The following IL16 variants were observed in gnomAD, a reference collection of about 807,000 sequenced individuals.
IL16 encodes interleukin 16.
In IL16, 67 loss-of-function variants were observed where a neutral mutation model predicts 110.1. The ratio of observed to expected loss-of-function variants is 0.61; its 90% CI spans 0.50 to 0.75. The LOEUF (loss-of-function observed/expected upper bound fraction) is 0.75, where lower values mean the gene tolerates loss of function less well. Among genes scored for constraint, IL16 ranks in the 30% least tolerant of loss-of-function variants. The probability of loss-of-function intolerance (pLI) is 0.00; values close to 1 mark genes in which losing one functional copy is unlikely to be tolerated. For synonymous variants in IL16, 689 were observed against 662.9 expected (o/e 1.04, Z -0.61); for missense variants, 1,545 against 1,655.0 (o/e 0.93, Z 1.15).
At position 81,301,437 on chromosome 15, in the gene IL16, T is replaced by C; in HGVS notation, c.3243T>C (p.Val1081=). The C allele has an allele frequency of 6.2e-7, 1 of 1,614,152 alleles. No homozygotes were observed. Among genetic ancestry groups the C allele is most frequent in the Non-Finnish European group, 8.5e-7 (1 of 1,179,996 alleles). The change falls in exon 15 of 19, where the codon GTT becomes GTC. Residue 1081 remains valine (V), a synonymous_variant. Coordinates refer to ENST00000683961, the MANE Select transcript of IL16 (RefSeq NM_172217.5). ...GTTCCCTTCAGTCTGGTCAGTCCGT[T>C]ATCTCCCTGCTGAGCTCAGAAGAAT... ...DHSSLQSGQS[V]ISLLSSEELK...
rs747521474 is a variant in IL16 at position 81,299,375 on chromosome 15, T to A, written c.2054-5T>A. 19 of 1,611,430 alleles carry A rather than the reference T, an allele frequency of 1.2e-5. No homozygotes were observed. The highest frequency in any genetic ancestry group is 8.5e-6 in the Non-Finnish European group (10 of 1,180,010). On this transcript the variant is annotated splice_region_variant and splice_polypyrimidine_tract_variant and intron_variant, in intron 13 of 18. Transcript: ENST00000683961. Reference sequence around the variant, plus strand: ...CACAGCTTTGGCCTTGTTTCTGCACTGTAGTGACCCAAACATCCCCGATAA... The same window carrying A: ...CACAGCTTTGGCCTTGTTTCTGCACAGTAGTGACCCAAACATCCCCGATAA...
chr15:81,289,421 T>C (rs1010834506), intron 10 of IL16, among the ~76,000 whole-genome samples: 1 of 152,186 alleles, frequency 6.6e-6, no homozygotes, highest in Non-Finnish European at 1.5e-5. Context: ...AAGCATGAGC[T>C]ACCATGCCCA....
intron 2 of IL16, among the ~76,000 whole-genome samples, chr15:81,259,312 G>T (rs529238759): frequency 6.6e-6 from 1 of 152,050 alleles, no homozygotes; most frequent in Admixed American, 6.6e-5. Context: ...TACCTTCCAG[G>T]CTCCCTATCC....
At chr15:81,279,519 A>T (rs1445382078) in intron 7 of IL16, 39 bp from the exon 8 acceptor site, 2 of 1,458,634 alleles carry the variant, frequency 1.4e-6, no homozygotes, top group South Asian at 2.3e-5. Context: ...CTCACCCTGG[A>T]TTGCTGCTGG....
intron 6 of IL16, among the ~76,000 whole-genome samples, chr15:81,276,434 C>T (rs1223044042): frequency 6.6e-6 from 1 of 152,134 alleles, no homozygotes; most frequent in African/African-American, 2.4e-5. Flanking sequence ...AGGGCTGGAA[C>T]TCAGATTTGA....
At chr15:81,236,818 C>G (rs1897191666) in intron 2 of IL16, among the ~76,000 whole-genome samples, 1 of 151,948 alleles carries the variant, frequency 6.6e-6, no homozygotes, top group Non-Finnish European at 1.5e-5. Flanking sequence ...TTAGCCAGGC[C>G]TGGTGGTGGG....
chr15:81,232,356 G>A (rs898778842), intron 2 of IL16, among the ~76,000 whole-genome samples: 17 of 152,010 alleles, frequency 1.1e-4, no homozygotes, highest in African/African-American at 3.6e-4. Flanking sequence ...TACAGGCTAA[G>A]GCCTACAGTG....
chr15:81,242,970 C>T (rs990635987), intron 2 of IL16, among the ~76,000 whole-genome samples: 1 of 150,902 alleles, frequency 6.6e-6, no homozygotes, highest in Non-Finnish European at 1.5e-5. Context: ...TTGATATGAT[C>T]ATGTGATTCT....
intron 2 of IL16, among the ~76,000 whole-genome samples, chr15:81,236,972 A>T (rs1897197677): frequency 6.6e-6 from 1 of 152,152 alleles, no homozygotes. Context: ...AAAAGAAAGG[A>T]AACTGGGAAG....
At chr15:81,224,430 A>C (rs1896721171) in intron 1 of IL16, among the ~76,000 whole-genome samples, 1 of 152,188 alleles carries the variant, frequency 6.6e-6, no homozygotes, top group African/African-American at 2.4e-5. Flanking sequence ...CCTCTTGGCA[A>C]AGCTGAGCCA....
chr15:81,190,394 A>G (rs761338160), intron 1 of IL16, among the ~76,000 whole-genome samples: 7 of 152,242 alleles, frequency 4.6e-5, no homozygotes, highest in Non-Finnish European at 7.3e-5. Flanking sequence ...ACAGATGCTC[A>G]GCACGGCAAT....
At chr15:81,232,067 C>G (rs146853411) in intron 2 of IL16, among the ~76,000 whole-genome samples, 2 of 54,352 alleles carry the variant, frequency 3.7e-5, no homozygotes, top group African/African-American at 1.4e-4. Flanking sequence ...TTTTTTTTTT[C>G]TTTTTTTTTT....
intron 6 of IL16, among the ~76,000 whole-genome samples, chr15:81,278,188 A>G (rs1357040280): frequency 1.3e-5 from 2 of 152,170 alleles, no homozygotes; most frequent in Admixed American, 1.3e-4. Flanking sequence ...TGTAGACCTC[A>G]TTCAGCATTG....
chr15:81,292,497 G>A, intron 11 of IL16, 59 bp from the exon 12 acceptor site: 1 of 1,612,182 alleles, frequency 6.2e-7, no homozygotes, highest in South Asian at 1.1e-5. Context: ...GGTGAGGCCA[G>A]GGGGTATTTC....
At chr15:81,278,482 G>T (rs542010846) in intron 6 of IL16, among the ~76,000 whole-genome samples, 16 of 152,214 alleles carry the variant, frequency 1.1e-4, no homozygotes, top group Non-Finnish European at 1.5e-4. Context: ...TGTTGCATCA[G>T]AAAATGATGC....
intron 1 of IL16, among the ~76,000 whole-genome samples, chr15:81,206,440 G>C (rs1308736707): frequency 6.6e-6 from 1 of 152,146 alleles, no homozygotes; most frequent in East Asian, 1.9e-4. Context: ...GCAGTTCTTT[G>C]TTGACCATAA....
intron 18 of IL16, chr15:81,306,876 G>C: frequency 2.6e-6 from 1 of 390,608 alleles, no homozygotes; most frequent in South Asian, 2.2e-5. Flanking sequence ...AAAACACTCA[G>C]TAACTCAGAT....
At chr15:81,185,248 T>C (rs535445230) in intron 1 of IL16, among the ~76,000 whole-genome samples, 93 of 152,208 alleles carry the variant, frequency 6.1e-4, no homozygotes, top group Non-Finnish European at 1.2e-3. Flanking sequence ...ATGGATATAG[T>C]TTTATTACTC....
intron 1 of IL16, among the ~76,000 whole-genome samples, chr15:81,210,545 A>G (rs1463896630): frequency 1.3e-5 from 2 of 152,076 alleles, no homozygotes; most frequent in African/African-American, 4.8e-5. Context: ...TTTCAGCAGT[A>G]TTTTGTAGTT....
Sources: allele counts gnomAD v4.1 joint callset (sites outside exome capture counted in the v4.1 genomes callset), GRCh38; gene constraint gnomAD v4.1.1; transcripts MANE v1.5; gene names NCBI Gene and HGNC (gene_info 2026-07-23, HGNC 2026-07-21).